The following TAGLN3 variants were observed in gnomAD, a reference collection of about 807,000 sequenced individuals.
The protein encoded by TAGLN3 is transgelin 3.
Under a neutral mutation model 25.4 loss-of-function variants are expected in TAGLN3, and 12 were observed. The observed-to-expected ratio is 0.47, with a 90% CI of 0.30 to 0.77. The LOEUF (loss-of-function observed/expected upper bound fraction) is 0.77. Among genes scored for constraint, TAGLN3 ranks in the 30% least tolerant of loss-of-function variants. The pLI, the probability that TAGLN3 is intolerant of heterozygous loss-of-function variation, is 0.06. For synonymous variants in TAGLN3, 96 were observed against 94.8 expected, an observed-to-expected ratio of 1.01 and a Z score of -0.08; for missense variants, 218 against 255.8, an observed-to-expected ratio of 0.85 and a Z score of 1.01.
chr3:112,003,719 C>T (rs1208787687), intron 3 of TAGLN3, among the ~76,000 whole-genome samples: 1 of 152,142 alleles, frequency 6.6e-6, no homozygotes. Context: ...CTCCAGCCCT[C>T]CTTGCCTAGG....
rs529893098 is a variant in TAGLN3, at chr3:112,007,710, A to G, written c.356-4053A>G. Among the ~76,000 whole-genome samples, 11 of 152,310 alleles carry G rather than the reference A, an allele frequency of 7.2e-5. No individual in the cohort carries two copies. The East Asian group carries it at 2.1e-3, about 29-fold the overall frequency. ...ATCCAGGGTGGCTGTCAGGGAGCAA[A>G]GCCATTCCAAGCTGCAGGGCTCTGG... On this transcript the variant is annotated intron_variant, in intron 3 of 4. Coordinates refer to ENST00000478951, the MANE Select transcript of TAGLN3 (RefSeq NM_001008272.2).
At chr3:112,005,818 G>C (rs2072911142) in intron 3 of TAGLN3, among the ~76,000 whole-genome samples, 1 of 150,026 alleles carries the variant, frequency 6.7e-6, no homozygotes, top group Non-Finnish European at 1.5e-5. Context: ...TCCTGCCTGA[G>C]CCTCCTGAGT....
At chr3:112,004,045 G>C (rs1471673415) in intron 3 of TAGLN3, among the ~76,000 whole-genome samples, 1 of 152,210 alleles carries the variant, frequency 6.6e-6, no homozygotes, top group African/African-American at 2.4e-5. Flanking sequence ...GAAACCCAAA[G>C]CTAAATGGTC....
chr3:112,007,596 C>T (rs182685964), intron 3 of TAGLN3, among the ~76,000 whole-genome samples: 4 of 152,306 alleles, frequency 2.6e-5, no homozygotes, highest in Non-Finnish European at 5.9e-5. Context: ...GTTGATCCTT[C>T]TTTGAGGAAT....
Position 111,999,403 on chromosome 3 carries a change from G to C in TAGLN3, c.-2-18G>C, listed in dbSNP as rs756916623. The stretch of plus-strand genomic sequence containing the variant: ...CTGCTATTGTGTGGATGCCGCGCGT[G>C]TCTTCTCTTCTTTCCAGAGATGGCT... On this transcript the variant is annotated intron_variant, in intron 1 of 4. Transcript: ENST00000478951. 93 of 1,611,060 alleles carry C rather than the reference G, an allele frequency of 5.8e-5. No homozygotes were observed. The highest frequency in any genetic ancestry group is 7.5e-5 in the Non-Finnish European group (88 of 1,177,672).
intron 3 of TAGLN3, among the ~76,000 whole-genome samples, chr3:112,002,006 A>G (rs565183820): frequency 1.6e-4 from 24 of 152,326 alleles, no homozygotes; most frequent in African/African-American, 5.5e-4. Flanking sequence ...TGTTTCCCTC[A>G]TAGGTGAGTG....
rs149753549 is a variant in TAGLN3, at chr3:112,005,290, C to A, written c.355+4344C>A. Among the ~76,000 whole-genome samples, 74 of 152,290 alleles carry A rather than the reference C, an allele frequency of 4.9e-4. No homozygotes were observed. The East Asian group carries it at 0.012, about 25-fold the overall frequency. ...CCTAATAAATGTTGGCTTTCCCCCC[C>A]ACACTATTAGTCATTCAGCAACTGA... is the stretch of plus-strand genomic sequence containing the variant. On this transcript the variant is annotated intron_variant, in intron 3 of 4. Coordinates refer to ENST00000478951, the MANE Select transcript of TAGLN3 (RefSeq NM_001008272.2).
intron 2 of TAGLN3, among the ~76,000 whole-genome samples, 190 bp downstream of exon 2, chr3:111,999,792 T>C (rs1014209050): frequency 6.6e-6 from 1 of 152,208 alleles, no homozygotes. Context: ...CCTAGCTAGC[T>C]TGGGGGTTCT....
intron 3 of TAGLN3, among the ~76,000 whole-genome samples, chr3:112,004,181 G>A (rs2072891848): frequency 6.7e-6 from 1 of 149,196 alleles, no homozygotes; most frequent in Non-Finnish European, 1.5e-5. Flanking sequence ...GGAATGGAAG[G>A]GGCCTGGGAA....
chr3:112,011,223 G>C (rs1378888649), intron 3 of TAGLN3, among the ~76,000 whole-genome samples: 1 of 152,184 alleles, frequency 6.6e-6, no homozygotes, highest in African/African-American at 2.4e-5. Flanking sequence ...ATGGGTTAAT[G>C]GTCACTGGGC....
intron 2 of TAGLN3, among the ~76,000 whole-genome samples, 197 bp downstream of exon 2, chr3:111,999,799 T>A (rs746887072): frequency 7.9e-5 from 12 of 152,138 alleles, no homozygotes; most frequent in Non-Finnish European, 1.8e-4. Flanking sequence ...AGCTTGGGGG[T>A]TCTCCACTCA....
At chr3:112,007,537 C>A (rs1420182371) in intron 3 of TAGLN3, among the ~76,000 whole-genome samples, 1 of 152,202 alleles carries the variant, frequency 6.6e-6, no homozygotes, top group Admixed American at 6.5e-5. Context: ...GATAACCAGA[C>A]TCTATCTCAT....
intron 4 of TAGLN3, 47 bp downstream of exon 4, chr3:112,011,912 A>T: frequency 1.9e-6 from 3 of 1,579,092 alleles, no homozygotes; most frequent in Non-Finnish European, 2.6e-6. Flanking sequence ...GATTTTAACC[A>T]GAGGGAGGGT....
At position 112,004,803 on chromosome 3, in the gene TAGLN3, C is replaced by T. The variant is rs934130318; in HGVS notation, c.355+3857C>T. ...AAAAGTAAGTCTGGAAAGACACTCA[C>T]TCTGTCTTAGAACAAATGGACTTAG... On this transcript the variant is annotated intron_variant, in intron 3 of 4. Coordinates refer to ENST00000478951, the MANE Select transcript of TAGLN3 (RefSeq NM_001008272.2). Among the ~76,000 whole-genome samples, 5 of 151,884 alleles carry T rather than the reference C, an allele frequency of 3.3e-5. No individual in the cohort carries two copies. In the East Asian group the frequency reaches 9.8e-4, roughly 30 times the overall value.
At chr3:112,007,171 C>A (rs7644889) in intron 3 of TAGLN3, among the ~76,000 whole-genome samples, 2,404 of 152,276 alleles carry the variant, frequency 0.016, 57 homozygotes, top group African/African-American at 0.053. Flanking sequence ...CTCTCTCCCC[C>A]ACAAATGCAC....
chr3:112,008,997 C>G (rs1308232871), intron 3 of TAGLN3, among the ~76,000 whole-genome samples: 1 of 152,074 alleles, frequency 6.6e-6, no homozygotes, highest in African/African-American at 2.4e-5. Context: ...CGAAGGGGAG[C>G]CAGTATGTCA....
intron 1 of TAGLN3, 47 bp from the exon 2 acceptor site, chr3:111,999,374 G>C: frequency 1.3e-6 from 2 of 1,594,182 alleles, no homozygotes; most frequent in Non-Finnish European, 1.7e-6. Flanking sequence ...GGAGGCTGCT[G>C]CTGCTGCTAT....
At chr3:112,007,024 T>C (rs1009725254) in intron 3 of TAGLN3, among the ~76,000 whole-genome samples, 1 of 152,228 alleles carries the variant, frequency 6.6e-6, no homozygotes, top group Non-Finnish European at 1.5e-5. Flanking sequence ...GGTGAGACTC[T>C]TGCTGAAAAC....
At chr3:112,001,618 G>A (rs4682328) in intron 3 of TAGLN3, among the ~76,000 whole-genome samples, 13,761 of 152,298 alleles carry the variant, frequency 0.09, 826 homozygotes, top group East Asian at 0.29. Flanking sequence ...TGTCGTTAAT[G>A]TCCCCTTTAG....
Sources: gnomAD v4.1 joint callset for allele counts (sites outside exome capture counted in the v4.1 genomes callset) on GRCh38, gnomAD v4.1.1 for gene constraint, MANE v1.5 for transcripts, NCBI Gene and HGNC (gene_info 2026-07-23, HGNC 2026-07-21) for gene names.